FAR2: variants seen among roughly 807,000 people sequenced by gnomAD.
FAR2 encodes epididymis secretory protein Li 81.
FAR2 carries 19 observed loss-of-function variants against 56.0 expected under a neutral mutation model. The ratio of observed to expected loss-of-function variants is 0.34; its 90% confidence interval spans 0.24 to 0.50. The LOEUF (loss-of-function observed/expected upper bound fraction) is 0.50, where lower values mean the gene tolerates loss of function less well. FAR2 is among the 20% of genes least tolerant of loss of function. The pLI is 0.98. For synonymous variants in FAR2, 219 were observed against 218.8 expected (o/e 1.00, Z -0.01); for missense variants, 508 against 642.2 (o/e 0.79, Z 2.26).
chr12:29,316,481 A>G (rs867578643), intron 8 of FAR2, among the ~76,000 whole-genome samples: 1 of 152,242 alleles, frequency 6.6e-6, no homozygotes, highest in Non-Finnish European at 1.5e-5. Flanking sequence ...AGCCAGGGAA[A>G]TAAGGTCTCT....
Position 29,333,974 on chromosome 12 carries a change from A to G in FAR2, c.*180A>G, listed in dbSNP as rs1949766832. On this transcript the variant is annotated 3_prime_UTR_variant, in exon 12 of 12. Transcript: ENST00000536681. ...ATTTCAGTGAGAGAAGGAAAGTTGT[A>G]AACTAGCCCATAGTCACCTATATTT... The G allele has an allele frequency of 1.9e-6, 1 of 537,154 alleles. No individual in the cohort carries two copies. The highest frequency in any genetic ancestry group is 3.1e-6 in the Non-Finnish European group (1 of 320,192). The allele number at this position is 537,154 out of a possible 1,614,324, so 33.3% of individuals were successfully genotyped here. A position where few individuals can be genotyped will look rare whatever the true frequency, so the allele number is the denominator to read the frequency against.
At chr12:29,200,397 C>T (rs528414801) in intron 1 of FAR2, among the ~76,000 whole-genome samples, 1 of 151,964 alleles carries the variant, frequency 6.6e-6, no homozygotes. Flanking sequence ...GTTTCAAAGC[C>T]GAAAGAGTGG....
At chr12:29,281,753 A>C (rs1948788063) in intron 2 of FAR2, among the ~76,000 whole-genome samples, 1 of 152,178 alleles carries the variant, frequency 6.6e-6, no homozygotes, top group South Asian at 2.1e-4. Context: ...AAAAAAAAAA[A>C]AAAACTGGAA....
At position 29,177,834 on chromosome 12, in the gene FAR2, C is replaced by CAA. The variant is rs11462609; in HGVS notation, c.-39+28434_-39+28435dup. On this transcript the variant is annotated intron_variant, in intron 1 of 11. Coordinates refer to ENST00000536681, the MANE Select transcript of FAR2 (RefSeq NM_001271783.2). ...TTAAATAGCTATTGTAGTATAAGCA[C>CAA]AAAAAAAACAAACAAAAAACATACA... Among the ~76,000 whole-genome samples, 158 of 151,656 alleles carry CAA rather than the reference C, an allele frequency of 1.0e-3. 1 individual carries two copies. The highest frequency in any genetic ancestry group is 6.8e-3 in the Middle Eastern group (2 of 292).
At chr12:29,165,394 G>A (rs1034824557) in intron 1 of FAR2, among the ~76,000 whole-genome samples, 2 of 152,150 alleles carry the variant, frequency 1.3e-5, no homozygotes, top group African/African-American at 2.4e-5. Context: ...AAAGTTTGTC[G>A]CATCAATCCC....
chr12:29,190,993 A>G lies in FAR2; in HGVS notation c.-39+41586A>G, dbSNP rs1591840931. On this transcript the variant is annotated intron_variant, in intron 1 of 11. Coordinates refer to ENST00000536681, the MANE Select transcript of FAR2 (RefSeq NM_001271783.2). ...TCTGTTCTGTTTTCATGAGGCTCCA[A>G]TTGAAAACTCATTCCTGCCCCTGTC... Among the ~76,000 whole-genome samples the G allele has an allele frequency of 7.2e-5, 11 of 152,260 alleles. No homozygotes were observed. In the South Asian group the frequency reaches 2.1e-3, roughly 29 times the overall value.
chr12:29,226,029 C>G (rs9919747), intron 1 of FAR2, among the ~76,000 whole-genome samples: 28,430 of 152,078 alleles, frequency 0.19, 3,660 homozygotes, highest in African/African-American at 0.36. Flanking sequence ...CAATCAGACT[C>G]GTACAAATTA....
At chr12:29,149,903 C>A (rs1017723182) in intron 1 of FAR2, among the ~76,000 whole-genome samples, 3 of 152,188 alleles carry the variant, frequency 2.0e-5, no homozygotes, top group Non-Finnish European at 4.4e-5. Context: ...ACCGCCAGGG[C>A]GCCCAGTCCT....
intron 2 of FAR2, among the ~76,000 whole-genome samples, chr12:29,278,628 A>G (rs1948737722): frequency 6.6e-6 from 1 of 151,832 alleles, no homozygotes; most frequent in Non-Finnish European, 1.5e-5. Context: ...GACTACAGGC[A>G]TGAGCCACCA....
intron 1 of FAR2, among the ~76,000 whole-genome samples, chr12:29,217,382 A>G (rs1947635046): frequency 6.6e-6 from 1 of 152,310 alleles, no homozygotes. Context: ...AACCCAAAAC[A>G]TAGAGCTGAT....
In FAR2 at chr12:29,295,469, G is replaced by T. The variant is rs375315357; in HGVS notation, c.366-1552G>T. On this transcript the variant is annotated intron_variant, in intron 3 of 11. Transcript: ENST00000536681. The stretch of plus-strand genomic sequence containing the variant: ...TTTTGCCAGGTTTTTAAAAATCTTG[G>T]GAGTTTGATTAGAATTACCTTGCAT... Among the ~76,000 whole-genome samples the T allele has an allele frequency of 3.3e-5, 5 of 152,014 alleles. No individual in the cohort carries two copies. The East Asian group carries it at 9.6e-4, about 29-fold the overall frequency.
At chr12:29,332,778 C>G in intron 11 of FAR2, 51 bp downstream of exon 11, 1 of 1,515,454 alleles carries the variant, frequency 6.6e-7, no homozygotes, top group Non-Finnish European at 9.0e-7. Context: ...TGTGCATCGA[C>G]TTTATACCAG....
rs534224202 is a variant in FAR2 at position 29,253,395 on chromosome 12, C to A, written c.-38-17017C>A. 8.7e-5 allele frequency among the ~76,000 whole-genome samples: 12 copies of A among 138,542 alleles called. 1 individual carries two copies. The South Asian group carries it at 2.3e-3, about 27-fold the overall frequency. The allele number at this position is 138,542 out of a possible 152,430, so 90.9% of individuals were successfully genotyped here. On this transcript the variant is annotated intron_variant, in intron 1 of 11. Coordinates refer to ENST00000536681, the MANE Select transcript of FAR2 (RefSeq NM_001271783.2). Reference sequence around the variant, plus strand: ...TCTATCTAGATAGATAGATAGATATCTAGATAGATGGACAGATAGATAGAT... The same window carrying A: ...TCTATCTAGATAGATAGATAGATATATAGATAGATGGACAGATAGATAGAT...
chr12:29,298,211 C>T (rs1390586765), intron 4 of FAR2, among the ~76,000 whole-genome samples: 1 of 151,632 alleles, frequency 6.6e-6, no homozygotes, highest in Non-Finnish European at 1.5e-5. Context: ...AAACCACTTT[C>T]ATCTTAAAAC....
chr12:29,223,634 A>T (rs1281445105), intron 1 of FAR2: 1 of 152,196 alleles, frequency 6.6e-6, no homozygotes, highest in East Asian at 1.9e-4. Context: ...CAATACAAAG[A>T]TGATTGCAGT....
intron 2 of FAR2, among the ~76,000 whole-genome samples, chr12:29,285,141 G>A (rs1433101347): frequency 2.6e-5 from 4 of 151,860 alleles, no homozygotes; most frequent in Admixed American, 6.6e-5. Context: ...GCGCCCGGCC[G>A]CATTACTGCT....
intron 1 of FAR2, among the ~76,000 whole-genome samples, chr12:29,258,820 G>A (rs116275900): frequency 9.4e-4 from 143 of 152,296 alleles, no homozygotes; most frequent in African/African-American, 3.3e-3. Context: ...GAATGAAATT[G>A]AGAAGCTTAA....
At chr12:29,266,076 T>A (rs1948511085) in intron 1 of FAR2, among the ~76,000 whole-genome samples, 1 of 152,136 alleles carries the variant, frequency 6.6e-6, no homozygotes, top group Non-Finnish European at 1.5e-5. Flanking sequence ...GGCATGTACA[T>A]TAGTACAATC....
chr12:29,205,881 TG>T (rs1201581741), intron 1 of FAR2, among the ~76,000 whole-genome samples: 2 of 152,040 alleles, frequency 1.3e-5, no homozygotes, highest in African/African-American at 4.8e-5. Context: ...TTCTGGATTG[TG>T]GGGATTAGAT....
Sources: gnomAD v4.1 joint callset for allele counts (sites outside exome capture counted in the v4.1 genomes callset) on GRCh38, gnomAD v4.1.1 for gene constraint, MANE v1.5 for transcripts, NCBI Gene and HGNC (gene_info 2026-07-23, HGNC 2026-07-21) for gene names.